Variants in HDAC9 observed in about 807,000 individuals in gnomAD.
The protein encoded by HDAC9 is histone deacetylase 9.
In HDAC9, 41 loss-of-function variants were observed where a neutral mutation model predicts 139.4. The observed-to-expected ratio is 0.29, with a 90% CI of 0.23 to 0.38. The LOEUF is 0.38. Ranked by LOEUF, HDAC9 falls within the 10% of genes least tolerant of loss-of-function variation. HDAC9 has a pLI of 1.00. For synonymous variants in HDAC9, 517 were observed against 476.2 expected (o/e 1.09, Z -1.12); for missense variants, 1,147 against 1,297.0 (o/e 0.88, Z 1.78).
intron 16 of HDAC9, among the ~76,000 whole-genome samples, chr7:18,782,419 C>T (rs1791323196): frequency 6.6e-6 from 1 of 152,032 alleles, no homozygotes; most frequent in African/African-American, 2.4e-5. Context: ...AATACCTTCA[C>T]ATCCACTTTC....
intron 2 of HDAC9, among the ~76,000 whole-genome samples, chr7:18,191,243 A>G (rs1418208607): frequency 6.6e-6 from 1 of 152,196 alleles, no homozygotes; most frequent in Non-Finnish European, 1.5e-5. Context: ...AGAAAATCAT[A>G]AGGAAGGAAA....
intron 23 of HDAC9, among the ~76,000 whole-genome samples, chr7:18,952,509 G>A (rs940694239): frequency 3.3e-5 from 5 of 151,874 alleles, no homozygotes; most frequent in African/African-American, 1.2e-4. Context: ...AACATAGAGT[G>A]TCATTTCAAG....
chr7:18,151,259 G>A (rs2128119408), intron 1 of HDAC9, among the ~76,000 whole-genome samples: 1 of 152,260 alleles, frequency 6.6e-6, no homozygotes, highest in African/African-American at 2.4e-5. Flanking sequence ...TGAGTGCGGA[G>A]TTTGTTTTGA....
intron 25 of HDAC9, 113 bp downstream of exon 25, chr7:18,976,066 C>G: frequency 1.9e-6 from 2 of 1,068,214 alleles, no homozygotes; most frequent in South Asian, 3.2e-5. Flanking sequence ...CTTCCACCAC[C>G]TGTCCTCTCC....
chr7:18,608,932 T>G (rs922603222), intron 6 of HDAC9, among the ~76,000 whole-genome samples: 1 of 152,208 alleles, frequency 6.6e-6, no homozygotes, highest in African/African-American at 2.4e-5. Flanking sequence ...TTTCAGATTA[T>G]AGGCATTCTT....
chr7:18,901,219 T>TACACAC (rs1262098910), intron 22 of HDAC9, among the ~76,000 whole-genome samples: 4 of 130,886 alleles, frequency 3.1e-5, no homozygotes, highest in Admixed American at 2.9e-4. Context: ...TATATATATA[T>TACACAC]ATACACACAC....
intron 16 of HDAC9, among the ~76,000 whole-genome samples, chr7:18,767,933 TCA>T (rs1366343655): frequency 6.6e-6 from 1 of 152,164 alleles, no homozygotes; most frequent in Non-Finnish European, 1.5e-5. Context: ...ACAAAACTAG[TCA>T]CATGTATATC....
At chr7:18,378,332 T>C (rs997478468) in intron 1 of HDAC9, among the ~76,000 whole-genome samples, 2 of 152,110 alleles carry the variant, frequency 1.3e-5, no homozygotes, top group Non-Finnish European at 2.9e-5. Context: ...ATGTGTTTGT[T>C]TATATCCGTG....
chr7:18,816,785 T>C (rs1022853518), intron 17 of HDAC9, among the ~76,000 whole-genome samples: 2 of 152,328 alleles, frequency 1.3e-5, no homozygotes, highest in African/African-American at 4.8e-5. Context: ...AAAGACACTG[T>C]GTTTAATTTC....
intron 2 of HDAC9, among the ~76,000 whole-genome samples, chr7:18,253,059 C>A (rs1445120372): frequency 6.6e-6 from 1 of 152,176 alleles, no homozygotes; most frequent in East Asian, 1.9e-4. Context: ...GCCTCCAGCT[C>A]TATGTTCCTG....
intron 23 of HDAC9, among the ~76,000 whole-genome samples, chr7:18,951,668 G>A (rs567833338): frequency 6.6e-6 from 1 of 151,676 alleles, no homozygotes; most frequent in Admixed American, 6.6e-5. Context: ...TGTTTTTGCT[G>A]TATCTAATCA....
At chr7:18,543,785 A>C (rs1321206037) in intron 2 of HDAC9, 1 of 152,104 alleles carries the variant, frequency 6.6e-6, no homozygotes, top group Non-Finnish European at 1.5e-5. Flanking sequence ...CAGCACCTCA[A>C]AGAAGCAAGA....
chr7:18,395,550 A>G (rs1438550981), intron 1 of HDAC9, among the ~76,000 whole-genome samples: 1 of 151,838 alleles, frequency 6.6e-6, no homozygotes, highest in Admixed American at 6.6e-5. Context: ...AAAAAAAAAA[A>G]AACTAGATAC....
At chr7:18,473,073 C>T (rs961114725) in intron 1 of HDAC9, among the ~76,000 whole-genome samples, 8 of 152,208 alleles carry the variant, frequency 5.3e-5, no homozygotes, top group Non-Finnish European at 1.2e-4. Flanking sequence ...ATTTTTCAGA[C>T]TGTGGGGAGC....
At chr7:18,193,583 C>G (rs1413881217) in intron 2 of HDAC9, among the ~76,000 whole-genome samples, 2 of 152,138 alleles carry the variant, frequency 1.3e-5, no homozygotes, top group Non-Finnish European at 2.9e-5. Context: ...AGAAATGTTC[C>G]TAATATCTTG....
intron 1 of HDAC9, among the ~76,000 whole-genome samples, chr7:18,093,042 A>G (rs978822001): frequency 3.3e-5 from 5 of 152,166 alleles, no homozygotes; most frequent in South Asian, 4.1e-4. Flanking sequence ...GCTAAGGACC[A>G]TTGTACTATA....
intron 14 of HDAC9, among the ~76,000 whole-genome samples, chr7:18,758,451 G>A (rs560550459): frequency 6.6e-6 from 1 of 152,252 alleles, no homozygotes; most frequent in South Asian, 2.1e-4. Flanking sequence ...AATAAAGGGT[G>A]CGCAGAAAGT....
intron 2 of HDAC9, among the ~76,000 whole-genome samples, chr7:18,550,305 C>T (rs1047091074): frequency 6.6e-5 from 10 of 151,930 alleles, no homozygotes; most frequent in South Asian, 2.1e-4. Flanking sequence ...CCATTTTTTT[C>T]GTTCCATTCT....
At chr7:18,820,494 ATG>A (rs1794882371) in intron 17 of HDAC9, among the ~76,000 whole-genome samples, 1 of 152,186 alleles carries the variant, frequency 6.6e-6, no homozygotes, top group South Asian at 2.1e-4. Context: ...AAAATATTTT[ATG>A]TGTTTTAAGA....
Sources: gnomAD v4.1 joint callset for allele counts (sites outside exome capture counted in the v4.1 genomes callset) on GRCh38, gnomAD v4.1.1 for gene constraint, MANE v1.5 for transcripts, NCBI Gene and HGNC (gene_info 2026-07-23, HGNC 2026-07-21) for gene names.